EDC3: variants seen among roughly 807,000 people sequenced by gnomAD.
The protein encoded by EDC3 is enhancer of mRNA-decapping protein 3.
In EDC3, 20 loss-of-function variants were observed where a neutral mutation model predicts 41.8. The ratio of observed to expected loss-of-function variants is 0.48; its 90% CI spans 0.34 to 0.70. The LOEUF (loss-of-function observed/expected upper bound fraction) is 0.70. Among genes scored for constraint, EDC3 ranks in the 30% least tolerant of loss-of-function variants. The pLI, the probability that EDC3 is intolerant of heterozygous loss-of-function variation, is 0.01. For missense variants in EDC3, 444 were observed against 636.8 expected (o/e 0.70, Z 3.26); for synonymous variants, 206 against 243.2 (o/e 0.85, Z 1.42).
intron 6 of EDC3, 88 bp downstream of exon 6, chr15:74,635,306 ACACGTAGTGCCTTTC>A: frequency 9.3e-7 from 1 of 1,072,956 alleles, no homozygotes; most frequent in Non-Finnish European, 1.4e-6. Context: ...CCATCCTTAC[ACACGTAGTGCCTTTC>A]CACCTGTCGC....
chr15:74,655,686 A>G, intron 4 of EDC3, 47 bp downstream of exon 4: 1 of 1,539,390 alleles, frequency 6.5e-7, no homozygotes. Flanking sequence ...CAAGCATAAT[A>G]GAAAGGCAAC....
At chr15:74,654,291 C>G (rs920124512) in intron 4 of EDC3, among the ~76,000 whole-genome samples, 1 of 151,694 alleles carries the variant, frequency 6.6e-6, no homozygotes, top group African/African-American at 2.4e-5. Flanking sequence ...GTAAATAGTT[C>G]CAGGGAAATC....
At chr15:74,679,087 C>T (rs540339225) in intron 1 of EDC3, among the ~76,000 whole-genome samples, 3 of 151,982 alleles carry the variant, frequency 2.0e-5, no homozygotes, top group Admixed American at 2.0e-4. Context: ...ATCCCAGCTA[C>T]TCGAGAGGCA....
chr15:74,679,308 T>C (rs1192415269), intron 1 of EDC3, among the ~76,000 whole-genome samples: 2 of 152,064 alleles, frequency 1.3e-5, no homozygotes, highest in African/African-American at 4.8e-5. Context: ...AAGATCAACA[T>C]CCTGCACAAA....
At position 74,647,899 on chromosome 15, in the gene EDC3, C is replaced by G. The variant is rs2062435541; in HGVS notation, c.821-7280G>C. 5.3e-5 allele frequency among the ~76,000 whole-genome samples: 8 copies of G among 152,194 alleles called. 1 individual carries two copies. The highest frequency in any genetic ancestry group is 3.2e-3 in the Middle Eastern group (1 of 316). ...CAGGTGTTCTGTCCAGAACACCACCCAGAATTTATTTCCTGATGTCTCCCA... is the reference window on the plus strand; with the variant it reads ...CAGGTGTTCTGTCCAGAACACCACCGAGAATTTATTTCCTGATGTCTCCCA... On this transcript the variant is annotated intron_variant, in intron 4 of 6. Transcript: ENST00000315127.
At chr15:74,650,325 T>C (rs1010132928) in intron 4 of EDC3, among the ~76,000 whole-genome samples, 2 of 152,188 alleles carry the variant, frequency 1.3e-5, no homozygotes, top group Admixed American at 6.5e-5. Flanking sequence ...CAGCACAAAC[T>C]CTCTGCCCTG....
Position 74,640,960 on chromosome 15 carries a change from T to C in EDC3, c.821-341A>G, listed in dbSNP as rs1014134785. ...CTGTAACAGCAACCTATCAGGCACATGAGAAGAGAACATGATTTTCCCAAA... is the reference window on the plus strand; with the variant it reads ...CTGTAACAGCAACCTATCAGGCACACGAGAAGAGAACATGATTTTCCCAAA... On this transcript the variant is annotated intron_variant, in intron 4 of 6. Transcript: ENST00000315127. 1.1e-5 allele frequency: 3 copies of C among 278,062 alleles called. No individual in the cohort carries two copies. In the Admixed American group the frequency reaches 1.6e-4, roughly 15 times the overall value. The allele number at this position is 278,062 out of a possible 1,614,324, so 17.2% of individuals were successfully genotyped here. A position where few individuals can be genotyped will look rare whatever the true frequency, so the allele number is the denominator to read the frequency against.
In EDC3 at chr15:74,695,965, C is replaced by G. The variant is rs1398507103; in HGVS notation, c.-104G>C. 6.6e-6 allele frequency: 1 copy of G among 152,668 alleles called. No individual in the cohort carries two copies. The highest frequency in any genetic ancestry group is 2.1e-4 in the South Asian group (1 of 4,844). The allele number at this position is 152,668 out of a possible 1,614,324, so 9.5% of individuals were successfully genotyped here. A position where few individuals can be genotyped will look rare whatever the true frequency, so the allele number is the denominator to read the frequency against. ...AGAGGACCCACAGAAGAATTCTCTC[C>G]ACGCCCACCCCCACAGCATCGGCCT... On this transcript the variant is annotated 5_prime_UTR_variant, in exon 1 of 7. Transcript: ENST00000315127.
rs2062334837 is a variant in EDC3, at chr15:74,640,386, T to C, written c.974+80A>G. On this transcript the variant is annotated intron_variant, in intron 5 of 6. Coordinates refer to ENST00000315127, the MANE Select transcript of EDC3 (RefSeq NM_025083.5). ...AAACTGCCTAATGAACTCGTATGTG[T>C]GTATGGGAGGCACTGTGGTGGTGGC... 1.9e-5 allele frequency: 28 copies of C among 1,487,334 alleles called. No homozygotes were observed. The South Asian group carries it at 2.4e-4, about 13-fold the overall frequency. The allele number at this position is 1,487,334 out of a possible 1,614,324, so 92.1% of individuals were successfully genotyped here.
intron 1 of EDC3, chr15:74,679,757 CAAAAAAAAAAAAA>C (rs769465964): frequency 2.1e-5 from 1 of 46,552 alleles, no homozygotes; most frequent in Non-Finnish European, 4.0e-5. Context: ...TTATTTCTAC[CAAAAAAAAAAAAA>C]AAAAAAAAAA....
chr15:74,662,392 C>A (rs1010906158), intron 3 of EDC3, among the ~76,000 whole-genome samples: 1 of 151,484 alleles, frequency 6.6e-6, no homozygotes, highest in African/African-American at 2.4e-5. Flanking sequence ...ACACAAAACT[C>A]TGCTGAATTA....
chr15:74,634,629 G>C (rs1210250479), intron 6 of EDC3, among the ~76,000 whole-genome samples: 1 of 152,068 alleles, frequency 6.6e-6, no homozygotes, highest in Non-Finnish European at 1.5e-5. Context: ...CAAAAACTTT[G>C]GAGCCATTGC....
At chr15:74,662,445 T>TTA (rs1555455100) in intron 3 of EDC3, among the ~76,000 whole-genome samples, 226 of 148,182 alleles carry the variant, frequency 1.5e-3, no homozygotes, top group Middle Eastern at 7.1e-3. Flanking sequence ...ATTTTTTTTT[T>TTA]AAAAAGCAAA....
chr15:74,662,202 C>A (rs1200928343), intron 3 of EDC3, among the ~76,000 whole-genome samples: 1 of 152,170 alleles, frequency 6.6e-6, no homozygotes, highest in African/African-American at 2.4e-5. Context: ...TCACTCCCAT[C>A]TGACCACTTA....
At position 74,682,093 on chromosome 15, in the gene EDC3, T is replaced by C. The variant is rs538023773; in HGVS notation, c.-18-6951A>G. 9.8e-4 allele frequency among the ~76,000 whole-genome samples: 149 copies of C among 152,266 alleles called. 1 individual carries two copies. Among genetic ancestry groups the C allele is most frequent in the Admixed American group, 1.6e-3 (24 of 15,276 alleles). On this transcript the variant is annotated intron_variant, in intron 1 of 6. Coordinates refer to ENST00000315127, the MANE Select transcript of EDC3 (RefSeq NM_025083.5). The stretch of plus-strand genomic sequence containing the variant: ...GTGGAAAAAATGGATCACTCATACA[T>C]TGCTAGTCCAAATATTGAATAGTAC...
rs1005839518 is a variant in EDC3, at chr15:74,670,654, G to A, written c.484+801C>T. On this transcript the variant is annotated intron_variant, in intron 3 of 6. Transcript: ENST00000315127. The stretch of plus-strand genomic sequence containing the variant: ...CATGTTGGCCAGGCTGGCCTCAAAC[G>A]CCTGACCTCAGGTGATCTGCCCGCC... Among the ~76,000 whole-genome samples, 5 of 151,930 alleles carry A rather than the reference G, an allele frequency of 3.3e-5. No individual in the cohort carries two copies. In the East Asian group the frequency reaches 7.7e-4, roughly 24 times the overall value.
intron 5 of EDC3, chr15:74,637,779 C>G (rs2062291350): frequency 6.6e-6 from 1 of 152,190 alleles, no homozygotes; most frequent in Non-Finnish European, 1.5e-5. Flanking sequence ...GGCAAGCACT[C>G]CCAAACACCA....
intron 3 of EDC3, among the ~76,000 whole-genome samples, chr15:74,662,434 TA>T (rs201857176): frequency 0.052 from 7,370 of 140,386 alleles, 199 homozygotes; most frequent in East Asian, 0.14. Context: ...TATATATATA[TA>T]TTTTTTTTTT....
chr15:74,646,377 A>G (rs1902222536), intron 4 of EDC3, among the ~76,000 whole-genome samples: 4 of 152,176 alleles, frequency 2.6e-5, no homozygotes, highest in Admixed American at 6.5e-5. Flanking sequence ...CCGGCCCCCC[A>G]GTCTTATAAT....
Sources: allele counts gnomAD v4.1 joint callset (sites outside exome capture counted in the v4.1 genomes callset), GRCh38; gene constraint gnomAD v4.1.1; transcripts MANE v1.5; gene names NCBI Gene and HGNC (gene_info 2026-07-23, HGNC 2026-07-21).